Variants in PAQR5 observed in about 807,000 individuals in gnomAD.
PAQR5 encodes the protein progestin and adipoQ receptor family member 5.
PAQR5 carries 20 observed loss-of-function variants against 34.5 expected under a neutral mutation model. The observed-to-expected ratio is 0.58, with a 90% confidence interval of 0.41 to 0.84. The LOEUF is 0.84. Ranked by LOEUF, PAQR5 falls within the 40% of genes least tolerant of loss-of-function variation. PAQR5 has a pLI of 0.00. For missense variants in PAQR5, 378 were observed against 412.7 expected (o/e 0.92, Z 0.73); for synonymous variants, 131 against 155.6 (o/e 0.84, Z 1.18).
At chr15:69,306,012 G>C (rs1433829310) in intron 1 of PAQR5, among the ~76,000 whole-genome samples, 2 of 152,180 alleles carry the variant, frequency 1.3e-5, no homozygotes, top group East Asian at 3.9e-4. Context: ...AAGAAACTCT[G>C]CTCTGGACTG....
chr15:69,322,386 G>A (rs902452687), intron 1 of PAQR5, among the ~76,000 whole-genome samples: 2 of 149,046 alleles, frequency 1.3e-5, no homozygotes, highest in Non-Finnish European at 2.9e-5. Context: ...TACTTAGGAG[G>A]ATAAGACAGG....
chr15:69,390,348 A>ATTTTTTTTTTTTTTTTTTTTTTTT (rs67519047), intron 6 of PAQR5, among the ~76,000 whole-genome samples: 1 of 124,828 alleles, frequency 8.0e-6, no homozygotes, highest in Non-Finnish European at 1.8e-5. Flanking sequence ...TTATTTATTT[A>ATTTTTTTTTTTTTTTTTTTTTTTT]TTTATTTATT....
intron 3 of PAQR5, among the ~76,000 whole-genome samples, chr15:69,378,234 C>T (rs1347142415): frequency 7.5e-6 from 1 of 133,758 alleles, no homozygotes; most frequent in Non-Finnish European, 1.5e-5. Flanking sequence ...CACTGCACTC[C>T]AGCCTGGGCA....
rs71149910 is a variant in PAQR5, at chr15:69,358,633, A to ATTTTTTTTTTTTTTTTTTTTTTTT, written c.-115-1317_-115-1316insTTTTTTTTTTTTTTTTTTTTTTTT. 7.1e-5 allele frequency among the ~76,000 whole-genome samples: 6 copies of ATTTTTTTTTTTTTTTTTTTTTTTT among 84,466 alleles called. 1 individual carries two copies. The highest frequency in any genetic ancestry group is 1.0e-4 in the Non-Finnish European group (5 of 48,184). 55.4% of individuals were successfully genotyped at this position (84,466 alleles called of 152,430 possible). On this transcript the variant is annotated intron_variant, in intron 2 of 8. Coordinates refer to ENST00000395407, the MANE Select transcript of PAQR5 (RefSeq NM_017705.4). ...GCCCTTTTCTTTTCAGCTCTGTGGC[A>ATTTTTTTTTTTTTTTTTTTTTTTT]TTTTTTTTTTTTTTTTGAGACAGAT...
chr15:69,342,063 C>G (rs913689091), intron 2 of PAQR5, among the ~76,000 whole-genome samples: 1 of 152,070 alleles, frequency 6.6e-6, no homozygotes, highest in African/African-American at 2.4e-5. Flanking sequence ...GCTATTGCAC[C>G]ACTTTACAGT....
intron 1 of PAQR5, among the ~76,000 whole-genome samples, chr15:69,306,341 C>T (rs970685453): frequency 5.5e-5 from 8 of 146,538 alleles, no homozygotes; most frequent in Non-Finnish European, 9.0e-5. Flanking sequence ...AACATTTAAC[C>T]TTTTTTTTTT....
chr15:69,390,352 A>ATTTTTTT (rs1270003563), intron 6 of PAQR5, among the ~76,000 whole-genome samples: 7 of 128,222 alleles, frequency 5.5e-5, no homozygotes, highest in Non-Finnish European at 1.0e-4. Flanking sequence ...TTATTTATTT[A>ATTTTTTT]TTTATTTATT....
intron 1 of PAQR5, among the ~76,000 whole-genome samples, chr15:69,312,449 T>G (rs536807168): frequency 1.1e-4 from 17 of 152,106 alleles, no homozygotes; most frequent in African/African-American, 3.6e-4. Context: ...GTTACCACAT[T>G]AACAAAACCC....
At chr15:69,389,844 C>A in intron 6 of PAQR5, 64 bp downstream of exon 6, 2 of 1,564,740 alleles carry the variant, frequency 1.3e-6, no homozygotes, top group Non-Finnish European at 1.8e-6. Context: ...TCCCTGCACT[C>A]TTTGAGGGAG....
intron 2 of PAQR5, among the ~76,000 whole-genome samples, chr15:69,347,871 C>A (rs1169631323): frequency 6.6e-6 from 1 of 152,168 alleles, no homozygotes; most frequent in Non-Finnish European, 1.5e-5. Context: ...TCCCAAAGAC[C>A]TCACTTCTAA....
intron 1 of PAQR5, among the ~76,000 whole-genome samples, chr15:69,302,814 A>G (rs1380223525): frequency 6.6e-6 from 1 of 152,126 alleles, no homozygotes; most frequent in East Asian, 1.9e-4. Context: ...CCCTGTACTC[A>G]CGCATGGCCC....
At position 69,400,054 on chromosome 15, in the gene PAQR5, CTCT is replaced by C. The variant is rs772286021; in HGVS notation, c.692_694del (p.Ser231del). On this transcript the variant is annotated inframe_deletion, in exon 8 of 9. Coordinates refer to ENST00000395407, the MANE Select transcript of PAQR5 (RefSeq NM_017705.4). ...AGCACATGATCATGACCCTCCTGGCCTCTTTCTTGTACTCTGCACATCTGCCAG... is the reference window on the plus strand; with the variant it reads ...AGCACATGATCATGACCCTCCTGGCCTTCTTGTACTCTGCACATCTGCCAG... The C allele has an allele frequency of 1.2e-6, 2 of 1,614,230 alleles. No homozygotes were observed. Among genetic ancestry groups the C allele is most frequent in the South Asian group, 1.1e-5 (1 of 91,086 alleles).
At position 69,300,937 on chromosome 15, in the gene PAQR5, C is replaced by CTTTCCTTCTTTCTTTCTTCCTT; in HGVS notation, c.-277+1882_-277+1883insTTCCTTCTTTCTTTCTTCCTTT. Reference sequence around the variant, plus strand: ...CCTTTCTCTCTCTCTCTCTCTCTCTCTCTTTCTTTCCTTCTTTCTTTCTTT... The same window carrying CTTTCCTTCTTTCTTTCTTCCTT: ...CCTTTCTCTCTCTCTCTCTCTCTCTCTTTCCTTCTTTCTTTCTTCCTTTCTTTCTTTCCTTCTTTCTTTCTTT... On this transcript the variant is annotated intron_variant, in intron 1 of 8. Transcript: ENST00000395407. Among the ~76,000 whole-genome samples the CTTTCCTTCTTTCTTTCTTCCTT allele has an allele frequency of 3.9e-4, 2 of 5,154 alleles. 1 individual carries two copies. The highest frequency in any genetic ancestry group is 0.014 in the East Asian group (2 of 140). 3.4% of individuals were successfully genotyped at this position (5,154 alleles called of 152,430 possible). A position where few individuals can be genotyped will look rare whatever the true frequency, so the allele number is the denominator to read the frequency against.
At chr15:69,364,443 T>C (rs1408126453) in intron 3 of PAQR5, among the ~76,000 whole-genome samples, 3 of 146,724 alleles carry the variant, frequency 2.0e-5, no homozygotes, top group Non-Finnish European at 4.5e-5. Context: ...CAAATATATA[T>C]ATATATTATA....
At chr15:69,311,275 A>C (rs2053829009) in intron 1 of PAQR5, among the ~76,000 whole-genome samples, 1 of 151,888 alleles carries the variant, frequency 6.6e-6, no homozygotes, top group African/African-American at 2.4e-5. Flanking sequence ...AGTGAAGGAA[A>C]TCGTGAGTTC....
At chr15:69,400,167 G>C (rs768931135) in intron 8 of PAQR5, 52 bp downstream of exon 8, 1 of 1,569,402 alleles carries the variant, frequency 6.4e-7, no homozygotes, top group Non-Finnish European at 8.7e-7. Context: ...TGACTGGGGA[G>C]GGTCCTGTCC....
chr15:69,365,046 AATTTTATTTT>A (rs71803465), intron 3 of PAQR5, among the ~76,000 whole-genome samples: 1,419 of 131,988 alleles, frequency 0.011, 32 homozygotes, highest in African/African-American at 0.039. Context: ...TTCCCTTATG[AATTTTATTTT>A]ATTTTATTTT....
Position 69,315,421 on chromosome 15 carries a change from C to T in PAQR5, c.-277+16365C>T, listed in dbSNP as rs149608439. 3.0e-4 allele frequency among the ~76,000 whole-genome samples: 45 copies of T among 152,326 alleles called. No individual in the cohort carries two copies. The East Asian group carries it at 3.3e-3, about 11-fold the overall frequency. On this transcript the variant is annotated intron_variant, in intron 1 of 8. Coordinates refer to ENST00000395407, the MANE Select transcript of PAQR5 (RefSeq NM_017705.4). The stretch of plus-strand genomic sequence containing the variant: ...TCTCCCCAAAGCATCAGCATGTCTT[C>T]GCGTTTTCCAGCATCCTTGAAGACC...
intron 1 of PAQR5, among the ~76,000 whole-genome samples, chr15:69,308,694 A>G (rs1362494201): frequency 9.9e-5 from 15 of 152,188 alleles, no homozygotes; most frequent in Admixed American, 9.2e-4. Context: ...GAATTCCAGA[A>G]GATAGATAAG....
Sources: allele counts gnomAD v4.1 joint callset (sites outside exome capture counted in the v4.1 genomes callset), GRCh38; gene constraint gnomAD v4.1.1; transcripts MANE v1.5; gene names NCBI Gene and HGNC (gene_info 2026-07-23, HGNC 2026-07-21).